Variants in SLC35F4 observed in about 807,000 individuals in gnomAD.
SLC35F4 encodes solute carrier family 35 member F4.
Under a neutral mutation model 44.2 loss-of-function variants are expected in SLC35F4, and 24 were observed. The observed-to-expected ratio is 0.54, with a 90% CI of 0.39 to 0.76. The LOEUF is 0.76. SLC35F4 is among the 30% of genes least tolerant of loss of function. SLC35F4 has a pLI of 0.00. For synonymous variants in SLC35F4, 238 were observed against 223.6 expected (o/e 1.06, Z -0.57); for missense variants, 562 against 586.1 (o/e 0.96, Z 0.42).
chr14:57,566,517 GGA>G lies in SLC35F4; in HGVS notation c.1172_1173del (p.Ile391ThrfsTer47). On this transcript the variant is annotated frameshift_variant, in exon 7 of 8. Coordinates refer to ENST00000556826, the MANE Select transcript of SLC35F4 (RefSeq NM_001306087.2). LOFTEE classifies it high-confidence loss of function. ...VNVGVVLTYP[I>X]LISIGTVLSV... ...CTGAGCACTGTCCCAATGGAGATTAGGATTGGGTATGTCAGCACCACCCCAAC... is the reference window on the plus strand; with the variant it reads ...CTGAGCACTGTCCCAATGGAGATTAGTTGGGTATGTCAGCACCACCCCAAC... 1 of 1,602,280 alleles carries G rather than the reference GGA, an allele frequency of 6.2e-7. No homozygotes were observed. Among genetic ancestry groups the G allele is most frequent in the Non-Finnish European group, 8.5e-7 (1 of 1,174,608 alleles).
intron 1 of SLC35F4, among the ~76,000 whole-genome samples, chr14:57,817,441 C>T (rs892537256): frequency 1.3e-4 from 20 of 152,076 alleles, no homozygotes; most frequent in African/African-American, 4.3e-4. Context: ...AGGTGCTTCA[C>T]GTGACGAGGC....
chr14:57,774,946 CCCA>C (rs1242439013), intron 1 of SLC35F4, among the ~76,000 whole-genome samples: 5 of 151,734 alleles, frequency 3.3e-5, no homozygotes, highest in Non-Finnish European at 7.4e-5. Flanking sequence ...TCTTCTACCC[CCCA>C]CCACACCACC....
chr14:57,690,991 A>C (rs1441804472), intron 1 of SLC35F4, among the ~76,000 whole-genome samples: 1 of 152,146 alleles, frequency 6.6e-6, no homozygotes, highest in Non-Finnish European at 1.5e-5. Context: ...GGGGTCCCCA[A>C]CCCTGGGTAC....
intron 1 of SLC35F4, among the ~76,000 whole-genome samples, chr14:57,824,666 G>C (rs190019769): frequency 2.2e-4 from 33 of 152,282 alleles, no homozygotes; most frequent in Admixed American, 7.8e-4. Context: ...TGGGGGAAGA[G>C]TGTTCCAGGC....
intron 1 of SLC35F4, among the ~76,000 whole-genome samples, chr14:57,902,574 AAAAG>A (rs1280415145): frequency 1.8e-4 from 27 of 150,928 alleles, no homozygotes; most frequent in East Asian, 1.6e-3. Flanking sequence ...AAAAAAAAAA[AAAAG>A]AAGAAGAAGA....
intron 1 of SLC35F4, chr14:57,630,250 GACA>G (rs2072701137): frequency 1.8e-6 from 1 of 551,960 alleles, no homozygotes. Flanking sequence ...GACAGATACA[GACA>G]TTCTAGAAGC....
At chr14:57,972,735 C>T (rs1881090088), downstream of SLC35F4, among the ~76,000 whole-genome samples, 1 of 152,152 alleles carries the variant, frequency 6.6e-6, no homozygotes, top group South Asian at 2.1e-4. Context: ...ATCTTCATGG[C>T]CCCAGCCAGG....
At chr14:57,637,170 T>G (rs966562878) in intron 1 of SLC35F4, among the ~76,000 whole-genome samples, 1 of 152,138 alleles carries the variant, frequency 6.6e-6, no homozygotes, top group African/African-American at 2.4e-5. Flanking sequence ...CCAAGTGACT[T>G]TCTTGGGAGT....
chr14:57,617,866 T>A (rs968086597), intron 1 of SLC35F4, among the ~76,000 whole-genome samples: 1 of 151,226 alleles, frequency 6.6e-6, no homozygotes, highest in Admixed American at 6.7e-5. Context: ...GATAGTTTAG[T>A]TTTTAGTTTT....
chr14:57,582,781 G>A (rs575709383), intron 3 of SLC35F4, among the ~76,000 whole-genome samples: 78 of 152,264 alleles, frequency 5.1e-4, no homozygotes, highest in African/African-American at 1.8e-3. Context: ...ACTGAAATTA[G>A]TGTGCCTCAA....
At chr14:57,931,981 AC>A (rs1889706182) in intron 1 of SLC35F4, among the ~76,000 whole-genome samples, 1 of 152,220 alleles carries the variant, frequency 6.6e-6, no homozygotes, top group Admixed American at 6.5e-5. Flanking sequence ...CAGCAAATCT[AC>A]TTATTTACTC....
chr14:57,842,319 T>C (rs528007809), intron 1 of SLC35F4, among the ~76,000 whole-genome samples: 1 of 152,276 alleles, frequency 6.6e-6, no homozygotes, highest in East Asian at 1.9e-4. Context: ...TGGGGCATAG[T>C]CAAGCCAGCT....
chr14:57,736,023 C>T (rs142299834), intron 1 of SLC35F4, among the ~76,000 whole-genome samples: 1,844 of 152,262 alleles, frequency 0.012, 22 homozygotes, highest in South Asian at 0.059. Context: ...CTAGACTCCA[C>T]CTCTTAATGG....
chr14:57,662,453 C>G (rs1175487007), intron 1 of SLC35F4, among the ~76,000 whole-genome samples: 2 of 152,176 alleles, frequency 1.3e-5, no homozygotes, highest in Admixed American at 6.5e-5. Flanking sequence ...TCTCGAGAGA[C>G]TGAGTTCATT....
At chr14:57,896,212 A>G (rs1205277207) in intron 1 of SLC35F4, among the ~76,000 whole-genome samples, 1 of 152,180 alleles carries the variant, frequency 6.6e-6, no homozygotes, top group Non-Finnish European at 1.5e-5. Context: ...AATTTAGGCA[A>G]GAAACAATTG....
chr14:57,823,458 T>G (rs558519137), intron 1 of SLC35F4, among the ~76,000 whole-genome samples: 3 of 152,354 alleles, frequency 2.0e-5, no homozygotes, highest in African/African-American at 4.8e-5. Flanking sequence ...TATTACAACA[T>G]AGCATATTTG....
At chr14:57,639,646 G>T (rs915755359) in intron 1 of SLC35F4, among the ~76,000 whole-genome samples, 1 of 151,834 alleles carries the variant, frequency 6.6e-6, no homozygotes, top group African/African-American at 2.4e-5. Flanking sequence ...TTCTTGGTGA[G>T]GGGCCCAGTA....
Position 57,971,011 on chromosome 14 carries a change from G to C in SLC35F4, n.282+10902C>G, listed in dbSNP as rs1415000672. ...ATGACTTTGCTCTTATCTGTTATGT[G>C]TTAATTGATGGTCCACACTCAGCTT... On this transcript the variant is annotated intron_variant and non_coding_transcript_variant, in intron 1 of 1. Coordinates refer to the SLC35F4 transcript ENST00000556568. 2.0e-5 allele frequency among the ~76,000 whole-genome samples: 3 copies of C among 152,134 alleles called. No homozygotes were observed. In the East Asian group the frequency reaches 5.8e-4, roughly 29 times the overall value.
intron 1 of SLC35F4, among the ~76,000 whole-genome samples, chr14:57,907,823 AT>A (rs149104185): frequency 0.04 from 5,997 of 151,032 alleles, 343 homozygotes; most frequent in African/African-American, 0.12. Context: ...AATAAACCTT[AT>A]TTTTTTTTAT....
Sources: allele counts gnomAD v4.1 joint callset (sites outside exome capture counted in the v4.1 genomes callset), GRCh38; gene constraint gnomAD v4.1.1; transcripts MANE v1.5; gene names NCBI Gene and HGNC (gene_info 2026-07-23, HGNC 2026-07-21).